Variants in MAPK10 observed in about 807,000 individuals in gnomAD.
The protein encoded by MAPK10 is JNK3 alpha protein kinase.
In MAPK10, 25 loss-of-function variants were observed where a neutral mutation model predicts 59.3. That is an observed-to-expected ratio of 0.42 (90% confidence interval 0.31 to 0.59). The LOEUF is 0.59. Ranked by LOEUF, MAPK10 falls within the 20% of genes least tolerant of loss-of-function variation. The pLI, the probability that MAPK10 is intolerant of heterozygous loss-of-function variation, is 0.15. For synonymous variants in MAPK10, 190 were observed against 200.5 expected (o/e 0.95, Z 0.44); for missense variants, 351 against 568.9 (o/e 0.62, Z 3.90).
intron 1 of MAPK10, among the ~76,000 whole-genome samples, chr4:86,394,781 G>C (rs1742691142): frequency 6.6e-6 from 1 of 152,168 alleles, no homozygotes; most frequent in Admixed American, 6.5e-5. Context: ...CAATGACAGA[G>C]TTTTCCAAAC....
intron 10 of MAPK10, among the ~76,000 whole-genome samples, chr4:86,065,960 A>G (rs899741182): frequency 5.3e-5 from 8 of 152,182 alleles, no homozygotes; most frequent in African/African-American, 1.9e-4. Context: ...TCAGGAAATA[A>G]TATCTAACCC....
At chr4:86,148,539 C>T (rs1225438923) in intron 4 of MAPK10, among the ~76,000 whole-genome samples, 1 of 151,914 alleles carries the variant, frequency 6.6e-6, no homozygotes, top group Non-Finnish European at 1.5e-5. Context: ...GATGATAGCC[C>T]AGCGGGGTAT....
At position 86,408,635 on chromosome 4, in the gene MAPK10, A is replaced by T. The variant is rs190816910; in HGVS notation, c.-122+44395T>A. Among the ~76,000 whole-genome samples the T allele has an allele frequency of 1.4e-3, 220 of 152,272 alleles. 4 individuals carry two copies. In the South Asian group the frequency reaches 0.017, roughly 12 times the overall value. On this transcript the variant is annotated intron_variant, in intron 1 of 13. Transcript: ENST00000361569. ...GTATCTCATCGTGGTTTTGATTTGC[A>T]TGTCTCTGATGACCAGTGATAATGA... is the stretch of plus-strand genomic sequence containing the variant.
At chr4:86,496,086 T>C (rs1037879531) in intron 1 of MAPK10, among the ~76,000 whole-genome samples, 2 of 152,006 alleles carry the variant, frequency 1.3e-5, no homozygotes, top group Non-Finnish European at 2.9e-5. Flanking sequence ...TAACCAAAAA[T>C]AAACACAAGA....
intron 1 of MAPK10, among the ~76,000 whole-genome samples, chr4:86,448,590 A>G (rs1373228413): frequency 6.6e-6 from 1 of 152,050 alleles, no homozygotes; most frequent in Non-Finnish European, 1.5e-5. Flanking sequence ...TAGGTATTTC[A>G]TGTTTTATTA....
intron 1 of MAPK10, among the ~76,000 whole-genome samples, chr4:86,398,740 T>C (rs1743300645): frequency 6.6e-6 from 1 of 152,174 alleles, no homozygotes; most frequent in Admixed American, 6.5e-5. Flanking sequence ...TAGTTAGTTT[T>C]ACAACCCTTG....
intron 1 of MAPK10, among the ~76,000 whole-genome samples, chr4:86,420,661 C>T (rs1412209885): frequency 6.6e-6 from 1 of 152,112 alleles, no homozygotes; most frequent in Non-Finnish European, 1.5e-5. Context: ...TGGTAGCATA[C>T]ATCTGTAGTC....
In MAPK10 at chr4:86,295,410, T is replaced by C. The variant is rs954467955; in HGVS notation, c.-7+59120A>G. ...CCCAGCTTTATTTTCCTGCGTAGAA[T>C]TTTATCACCATCTAACTTGCTCTAC... is the stretch of plus-strand genomic sequence containing the variant. On this transcript the variant is annotated intron_variant, in intron 2 of 13. Transcript: ENST00000641462. Among the ~76,000 whole-genome samples, 11 of 152,124 alleles carry C rather than the reference T, an allele frequency of 7.2e-5. No homozygotes were observed. In the East Asian group the frequency reaches 2.1e-3, roughly 29 times the overall value.
intron 1 of MAPK10, among the ~76,000 whole-genome samples, chr4:86,509,790 T>C (rs1262841443): frequency 6.6e-6 from 1 of 152,238 alleles, no homozygotes; most frequent in Non-Finnish European, 1.5e-5. Context: ...AGGTCCCATT[T>C]TGTCAAAAAT....
chr4:86,575,998 C>CGTGTGTGT (rs56886437), intron 1 of MAPK10, among the ~76,000 whole-genome samples: 33 of 147,362 alleles, frequency 2.2e-4, no homozygotes, highest in African/African-American at 8.0e-4. Flanking sequence ...TGTGTGTATG[C>CGTGTGTGT]GTGTGTGTGT....
rs70948779 is a variant in MAPK10, at chr4:86,035,370, C to CAAAA, written c.1111-3943_1111-3940dup. ...TGGGTGATAGAGTGAGACTCTGTCT[C>CAAAA]AAAAAAAAAAAAAAAAAAAAAAAAA... On this transcript the variant is annotated intron_variant, in intron 11 of 13. Coordinates refer to ENST00000641462, the MANE Select transcript of MAPK10 (RefSeq NM_138982.4). Among the ~76,000 whole-genome samples the CAAAA allele has an allele frequency of 5.6e-3, 213 of 37,846 alleles. 22 individuals carry two copies. In the East Asian group the frequency reaches 0.086, roughly 15 times the overall value. The allele number at this position is 37,846 out of a possible 152,430, so 24.8% of individuals were successfully genotyped here. A position where few individuals can be genotyped will look rare whatever the true frequency, so the allele number is the denominator to read the frequency against.
chr4:86,260,257 C>G (rs146243689), intron 2 of MAPK10, among the ~76,000 whole-genome samples: 505 of 152,112 alleles, frequency 3.3e-3, no homozygotes, highest in Non-Finnish European at 6.3e-3. Context: ...TTGAGGCTTT[C>G]CATTTGTAAA....
At chr4:86,467,311 C>G (rs541343058) in intron 1 of MAPK10, among the ~76,000 whole-genome samples, 7 of 152,118 alleles carry the variant, frequency 4.6e-5, no homozygotes, top group Admixed American at 4.6e-4. Context: ...TTCACAGCAA[C>G]CAGTTAAAAG....
At chr4:86,119,341 C>T (rs2058826477) in intron 4 of MAPK10, 1 of 152,186 alleles carries the variant, frequency 6.6e-6, no homozygotes, top group Admixed American at 6.5e-5. Flanking sequence ...GTGGCTCACG[C>T]CTGTAATCCC....
At chr4:86,035,442 G>A (rs1184047557) in intron 11 of MAPK10, among the ~76,000 whole-genome samples, 1 of 149,588 alleles carries the variant, frequency 6.7e-6, no homozygotes, top group African/African-American at 2.5e-5. Context: ...AGAAACCACT[G>A]AGGAATGTAA....
intron 5 of MAPK10, among the ~76,000 whole-genome samples, 199 bp from the exon 6 acceptor site, chr4:86,103,443 A>C (rs1307431599): frequency 6.6e-6 from 1 of 152,172 alleles, no homozygotes; most frequent in Non-Finnish European, 1.5e-5. Flanking sequence ...CTTCAGGTTA[A>C]TAATGCAGCT....
intron 2 of MAPK10, among the ~76,000 whole-genome samples, chr4:86,278,834 T>C (rs1458757676): frequency 6.6e-6 from 1 of 152,068 alleles, no homozygotes; most frequent in African/African-American, 2.4e-5. Context: ...ATTTACAAAC[T>C]ACCTGAACAA....
intron 13 of MAPK10, among the ~76,000 whole-genome samples, chr4:86,019,531 C>T (rs918600025): frequency 2.6e-5 from 4 of 152,156 alleles, no homozygotes; most frequent in Non-Finnish European, 4.4e-5. Flanking sequence ...TTCATTTCCC[C>T]TCATGATAAG....
In MAPK10 at chr4:86,316,892, TATCATTTTTC is replaced by T. The variant is rs1441097793; in HGVS notation, c.-7+37628_-7+37637del. On this transcript the variant is annotated intron_variant, in intron 2 of 13. Coordinates refer to ENST00000641462, the MANE Select transcript of MAPK10 (RefSeq NM_138982.4). ...AATGCCCACCTTATGCTTCAGATTTTATCATTTTTCATGAGAGGGATTTTTTAATGCTGGA... is the reference window on the plus strand; with the variant it reads ...AATGCCCACCTTATGCTTCAGATTTTATGAGAGGGATTTTTTAATGCTGGA... Among the ~76,000 whole-genome samples, 3 of 140,662 alleles carry T rather than the reference TATCATTTTTC, an allele frequency of 2.1e-5. No homozygotes were observed. The Admixed American group carries it at 2.2e-4, about 10-fold the overall frequency. 92.3% of individuals were successfully genotyped at this position (140,662 alleles called of 152,430 possible). A position where few individuals can be genotyped will look rare whatever the true frequency, so the allele number is the denominator to read the frequency against.
Sources: allele counts gnomAD v4.1 joint callset (sites outside exome capture counted in the v4.1 genomes callset), GRCh38; gene constraint gnomAD v4.1.1; transcripts MANE v1.5; gene names NCBI Gene and HGNC (gene_info 2026-07-23, HGNC 2026-07-21).